The following RGL1 variants were observed in gnomAD, a reference collection of about 807,000 sequenced individuals.
RGL1 encodes ral guanine nucleotide dissociation stimulator like 1, also known as ral guanine nucleotide dissociation stimulator-like 1.
In RGL1, 24 loss-of-function variants were observed where a neutral mutation model predicts 95.2. The ratio of observed to expected loss-of-function variants is 0.25; its 90% confidence interval spans 0.18 to 0.35. The LOEUF is 0.35. RGL1 is among the 10% of genes least tolerant of loss of function. RGL1 has a pLI of 1.00. For missense variants in RGL1, 715 were observed against 936.3 expected (o/e 0.76, Z 3.08); for synonymous variants, 329 against 344.9 (o/e 0.95, Z 0.51).
chr1:183,857,942 A>G lies in RGL1; in HGVS notation c.348-8054A>G, dbSNP rs116116611. On this transcript the variant is annotated intron_variant, in intron 3 of 17. Transcript: ENST00000360851. The stretch of plus-strand genomic sequence containing the variant: ...GCTGTCAAAGACTTTGCCTCAGATC[A>G]TAGCCAGGCTAGCTTTCTTTTCTTG... 5.3e-3 allele frequency among the ~76,000 whole-genome samples: 809 copies of G among 152,336 alleles called. 15 individuals carry two copies. Among genetic ancestry groups the G allele is most frequent in the African/African-American group, 0.018 (728 of 41,566 alleles).
intron 10 of RGL1, among the ~76,000 whole-genome samples, chr1:183,899,432 T>C (rs1215384281): frequency 1.3e-5 from 2 of 152,226 alleles, no homozygotes; most frequent in Non-Finnish European, 2.9e-5. Context: ...AGGTATTCTG[T>C]AGAATGTTCC....
chr1:183,844,792 T>C (rs745805585), intron 2 of RGL1, among the ~76,000 whole-genome samples: 1 of 152,246 alleles, frequency 6.6e-6, no homozygotes, highest in Non-Finnish European at 1.5e-5. Context: ...GTCAACAGTC[T>C]TAAGAGGCCT....
intron 14 of RGL1, among the ~76,000 whole-genome samples, chr1:183,908,212 A>G (rs1668449236): frequency 6.6e-6 from 1 of 152,260 alleles, no homozygotes; most frequent in South Asian, 2.1e-4. Context: ...GATATTTCCC[A>G]GCACTGTCTC....
chr1:183,716,002 A>G (rs1655603901), intron 1 of RGL1, among the ~76,000 whole-genome samples: 1 of 152,210 alleles, frequency 6.6e-6, no homozygotes, highest in South Asian at 2.1e-4. Flanking sequence ...AAGACAATGA[A>G]TGAATTGGAT....
chr1:183,880,245 A>G (rs1250555976), intron 4 of RGL1, among the ~76,000 whole-genome samples: 1 of 152,108 alleles, frequency 6.6e-6, no homozygotes, highest in Non-Finnish European at 1.5e-5. Flanking sequence ...ATTTTGTGGG[A>G]TTTAATTTGA....
At chr1:183,749,196 ATCTG>A (rs371236020) in intron 2 of RGL1, among the ~76,000 whole-genome samples, 82 of 152,290 alleles carry the variant, frequency 5.4e-4, no homozygotes, top group African/African-American at 1.9e-3. Context: ...TGTCTCATTG[ATCTG>A]TCTAATACTG....
intron 2 of RGL1, among the ~76,000 whole-genome samples, chr1:183,837,520 C>T (rs955009825): frequency 6.6e-6 from 1 of 152,200 alleles, no homozygotes; most frequent in African/African-American, 2.4e-5. Context: ...TTGGCAAATG[C>T]AACAGTGACT....
intron 1 of RGL1, among the ~76,000 whole-genome samples, chr1:183,707,275 T>C (rs1654978864): frequency 6.6e-6 from 1 of 152,070 alleles, no homozygotes; most frequent in African/African-American, 2.4e-5. Flanking sequence ...GAAGAGAGGA[T>C]AACATAGAGG....
chr1:183,641,961 AT>A (rs1266513243), intron 1 of RGL1, among the ~76,000 whole-genome samples: 2 of 152,208 alleles, frequency 1.3e-5, no homozygotes, highest in Non-Finnish European at 2.9e-5. Context: ...TCTTATAATT[AT>A]TTTAGTATCT....
intron 4 of RGL1, among the ~76,000 whole-genome samples, chr1:183,874,429 G>T (rs183388002): frequency 1.4e-4 from 22 of 152,074 alleles, no homozygotes; most frequent in Admixed American, 5.2e-4. Context: ...ATCCTACTCC[G>T]GGCCCTCTCC....
chr1:183,845,080 G>A (rs1465003599), intron 2 of RGL1, among the ~76,000 whole-genome samples: 2 of 152,180 alleles, frequency 1.3e-5, no homozygotes, highest in Non-Finnish European at 2.9e-5. Context: ...TACTTAGTAA[G>A]CACAATATCA....
chr1:183,748,436 C>T (rs1328520924), intron 2 of RGL1, among the ~76,000 whole-genome samples: 12 of 114,400 alleles, frequency 1.0e-4, no homozygotes, highest in East Asian at 2.8e-4. Context: ...GACGGAGTCT[C>T]GCTCTGTTGC....
intron 9 of RGL1, among the ~76,000 whole-genome samples, chr1:183,897,418 G>A (rs750988516): frequency 2.0e-5 from 3 of 152,062 alleles, no homozygotes; most frequent in Non-Finnish European, 2.9e-5. Flanking sequence ...AGGTGGTGGC[G>A]CATTCCTCTA....
chr1:183,767,310 A>G (rs942732606), intron 2 of RGL1, among the ~76,000 whole-genome samples: 2 of 152,056 alleles, frequency 1.3e-5, no homozygotes, highest in Non-Finnish European at 2.9e-5. Context: ...CCAAAGGAGA[A>G]CAAACAGCAA....
At chr1:183,805,427 C>A in intron 1 of RGL1, 103 bp downstream of exon 1, 1 of 978,214 alleles carries the variant, frequency 1.0e-6, no homozygotes, top group East Asian at 2.6e-5. Flanking sequence ...ACGGAGCAAT[C>A]CGATTCCATA....
chr1:183,737,562 A>G (rs1326693486), intron 1 of RGL1, among the ~76,000 whole-genome samples: 8 of 148,260 alleles, frequency 5.4e-5, no homozygotes, highest in Non-Finnish European at 1.0e-4. Context: ...CCTGGGCAAC[A>G]TAGTGAGATT....
At chr1:183,782,249 C>T (rs1180740239) in intron 2 of RGL1, among the ~76,000 whole-genome samples, 1 of 152,198 alleles carries the variant, frequency 6.6e-6, no homozygotes, top group African/African-American at 2.4e-5. Context: ...TATTCCATCT[C>T]CACCCAGACA....
Position 183,810,746 on chromosome 1 carries a change from G to A in RGL1, c.138+4261G>A, listed in dbSNP as rs545824714. On this transcript the variant is annotated intron_variant, in intron 2 of 17. Coordinates refer to ENST00000360851, the MANE Select transcript of RGL1 (RefSeq NM_001297671.3). The stretch of plus-strand genomic sequence containing the variant: ...CTCTACCTGGCATTTTCATGGTGTT[G>A]CTATCCATGTTGCCTTCAAATGGCA... Among the ~76,000 whole-genome samples, 38 of 152,266 alleles carry A rather than the reference G, an allele frequency of 2.5e-4. No individual in the cohort carries two copies. In the South Asian group the frequency reaches 4.8e-3, roughly 19 times the overall value.
chr1:183,648,874 A>C, intron 1 of RGL1: 3 of 1,000,540 alleles, frequency 3.0e-6, no homozygotes, highest in Non-Finnish European at 4.4e-6. Flanking sequence ...CAGTGCATTA[A>C]TTTATTAAAC....
Sources: gnomAD v4.1 joint callset for allele counts (sites outside exome capture counted in the v4.1 genomes callset) on GRCh38, gnomAD v4.1.1 for gene constraint, MANE v1.5 for transcripts, NCBI Gene and HGNC (gene_info 2026-07-23, HGNC 2026-07-21) for gene names.